IFIT5: variants seen among roughly 807,000 people sequenced by gnomAD.
IFIT5 encodes interferon induced protein with tetratricopeptide repeats 5.
In IFIT5, 2 loss-of-function variants were observed where a neutral mutation model predicts 5.0. That is an observed-to-expected ratio of 0.40 (90% confidence interval 0.16 to 1.26). The LOEUF (loss-of-function observed/expected upper bound fraction) is 1.26. Among genes scored for constraint, IFIT5 ranks in the 50% most tolerant of loss-of-function variants. The probability of loss-of-function intolerance (pLI) is 0.33; values close to 1 mark genes in which losing one functional copy is unlikely to be tolerated. For missense variants in IFIT5, 524 were observed against 563.2 expected (o/e 0.93, Z 0.70); for synonymous variants, 206 against 204.6 (o/e 1.01, Z -0.06).
In IFIT5 at chr10:89,414,698, C is replaced by A; in HGVS notation, c.-101C>A. Reference sequence around the variant, plus strand: ...TGCAGAGGCCTGGCGCGCGCACGCGCACGCGCACGCCCACCGCGCGGCTTC... The same window carrying A: ...TGCAGAGGCCTGGCGCGCGCACGCGAACGCGCACGCCCACCGCGCGGCTTC... On this transcript the variant is annotated 5_prime_UTR_variant, in exon 1 of 2. Coordinates refer to ENST00000371795, the MANE Select transcript of IFIT5 (RefSeq NM_012420.3). 1 of 1,442,116 alleles carries A rather than the reference C, an allele frequency of 6.9e-7. No homozygotes were observed. The highest frequency in any genetic ancestry group is 9.2e-7 in the Non-Finnish European group (1 of 1,089,714). 89.3% of individuals were successfully genotyped at this position (1,442,116 alleles called of 1,614,324 possible).
At chr10:89,416,820 A>G (rs1354767545) in intron 1 of IFIT5, among the ~76,000 whole-genome samples, 1 of 152,232 alleles carries the variant, frequency 6.6e-6, no homozygotes, top group Non-Finnish European at 1.5e-5. Flanking sequence ...ATTACCAAGG[A>G]GCAATTTTAC....
rs1841575639 is a variant in IFIT5 at position 89,419,221 on chromosome 10, C to A, written c.*573C>A. On this transcript the variant is annotated 3_prime_UTR_variant, in exon 2 of 2. Coordinates refer to ENST00000371795, the MANE Select transcript of IFIT5 (RefSeq NM_012420.3). ...TCTAGTGACTTCAATAAAGAAAAAA[C>A]TAGAAGAGGAGAAAAAGGATTTCCT... is the stretch of plus-strand genomic sequence containing the variant. 6.6e-6 allele frequency: 1 copy of A among 151,952 alleles called. No individual in the cohort carries two copies. The highest frequency in any genetic ancestry group is 2.4e-5 in the African/African-American group (1 of 41,392). The allele number at this position is 151,952 out of a possible 1,614,324, so 9.4% of individuals were successfully genotyped here.
rs1841580934 is a variant in IFIT5, at chr10:89,419,847, T to C, written c.*1199T>C. On this transcript the variant is annotated 3_prime_UTR_variant, in exon 2 of 2. Coordinates refer to ENST00000371795, the MANE Select transcript of IFIT5 (RefSeq NM_012420.3). ...GTTTCTTTGATTACCGACTACACAA[T>C]TATGTACCATCACAGTATTAGTGGA... is the stretch of plus-strand genomic sequence containing the variant. The C allele has an allele frequency of 6.6e-6, 1 of 152,128 alleles. No homozygotes were observed. Among genetic ancestry groups the C allele is most frequent in the South Asian group, 2.1e-4 (1 of 4,816 alleles). 9.4% of individuals were successfully genotyped at this position (152,128 alleles called of 1,614,324 possible). A position where few individuals can be genotyped will look rare whatever the true frequency, so the allele number is the denominator to read the frequency against.
At position 89,419,269 on chromosome 10, in the gene IFIT5, AG is replaced by A. The variant is rs1269653366; in HGVS notation, c.*624del. On this transcript the variant is annotated 3_prime_UTR_variant, in exon 2 of 2. Transcript: ENST00000371795. ...CCTCAAATTTTAAATATGTAACTTC[AG>A]GGATTCAATCCCCAAATGTTTATTA... 1 of 152,174 alleles carries A rather than the reference AG, an allele frequency of 6.6e-6. No individual in the cohort carries two copies. The highest frequency in any genetic ancestry group is 2.4e-5 in the African/African-American group (1 of 41,464). 9.4% of individuals were successfully genotyped at this position (152,174 alleles called of 1,614,324 possible). A position where few individuals can be genotyped will look rare whatever the true frequency, so the allele number is the denominator to read the frequency against.
chr10:89,419,171 G>C lies in IFIT5; in HGVS notation c.*523G>C, dbSNP rs995411935. On this transcript the variant is annotated 3_prime_UTR_variant, in exon 2 of 2. Transcript: ENST00000371795. ...AAAATATCTTTTTTGTTGGAAAAAA[G>C]TTTATAATAAAAAAGTTTGTCATCT... 4.6e-4 allele frequency: 70 copies of C among 152,006 alleles called. No individual in the cohort carries two copies. Among genetic ancestry groups the C allele is most frequent in the African/African-American group, 1.7e-3 (69 of 41,414 alleles). 9.4% of individuals were successfully genotyped at this position (152,006 alleles called of 1,614,324 possible). A position where few individuals can be genotyped will look rare whatever the true frequency, so the allele number is the denominator to read the frequency against.
chr10:89,415,171 C>G (rs1169720714), intron 1 of IFIT5, among the ~76,000 whole-genome samples: 1 of 152,234 alleles, frequency 6.6e-6, no homozygotes, highest in Non-Finnish European at 1.5e-5. Flanking sequence ...CCCGGAAGGC[C>G]TGTCCACCCA....
intron 1 of IFIT5, among the ~76,000 whole-genome samples, chr10:89,415,191 G>A (rs1445255703): frequency 2.0e-5 from 3 of 152,212 alleles, no homozygotes; most frequent in Non-Finnish European, 2.9e-5. Context: ...ATCGCGACCC[G>A]ACGGCTCTTC....
rs1381500680 is a variant in IFIT5, at chr10:89,420,671, T to C, written c.*2023T>C. 1 of 152,202 alleles carries C rather than the reference T, an allele frequency of 6.6e-6. No individual in the cohort carries two copies. Among genetic ancestry groups the C allele is most frequent in the African/African-American group, 2.4e-5 (1 of 41,448 alleles). The allele number at this position is 152,202 out of a possible 1,614,324, so 9.4% of individuals were successfully genotyped here. ...TTTTGAGTAGTAAGGTCTACAGCAT[T>C]GTTCCTCAAACTTGGCTACGTATTG... On this transcript the variant is annotated 3_prime_UTR_variant, in exon 2 of 2. Transcript: ENST00000371795.
chr10:89,416,539 C>T (rs541066778), intron 1 of IFIT5, among the ~76,000 whole-genome samples: 1 of 152,340 alleles, frequency 6.6e-6, no homozygotes, highest in African/African-American at 2.4e-5. Flanking sequence ...AATAAAAATT[C>T]TCATGGTGTC....
rs767000816 is a variant in IFIT5 at position 89,418,318 on chromosome 10, T to A, written c.1119T>A (p.Asp373Glu). 1.2e-6 allele frequency: 2 copies of A among 1,614,150 alleles called. No homozygotes were observed. The highest frequency in any genetic ancestry group is 1.7e-6 in the Non-Finnish European group (2 of 1,180,004). ...KALRLENITDDHKHQIHYHYG... is the reference protein window; with the variant it reads ...KALRLENITDEHKHQIHYHYG... Reference sequence around the variant, plus strand: ...TTCGTCTGGAGAACATAACCGATGATCACAAACATCAGATCCATTACCACT... The same window carrying A: ...TTCGTCTGGAGAACATAACCGATGAACACAAACATCAGATCCATTACCACT... The change falls in exon 2 of 2, where the codon GAT (aspartate) becomes GAA (glutamate). Residue 373 changes from aspartate to glutamate, a missense_variant. Coordinates refer to ENST00000371795, the MANE Select transcript of IFIT5 (RefSeq NM_012420.3).
At chr10:89,416,711 G>C (rs1589648214) in intron 1 of IFIT5, among the ~76,000 whole-genome samples, 1 of 152,176 alleles carries the variant, frequency 6.6e-6, no homozygotes, top group East Asian at 1.9e-4. Flanking sequence ...TTTTAGGCAG[G>C]GGGCTGGTAA....
rs1290211747 is a variant in IFIT5 at position 89,414,742 on chromosome 10, A to AGG, written c.-56_-55dup. 5 of 1,593,564 alleles carry AGG rather than the reference A, an allele frequency of 3.1e-6. No homozygotes were observed. In the East Asian group the frequency reaches 1.2e-4, roughly 37 times the overall value. ...CGGCTTCCCGCGGTCCCCGGTGCTG[A>AGG]GGAGAGAGCGATCCGAGGGACTGCG... On this transcript the variant is annotated 5_prime_UTR_variant, in exon 1 of 2. Coordinates refer to ENST00000371795, the MANE Select transcript of IFIT5 (RefSeq NM_012420.3).
At position 89,418,146 on chromosome 10, in the gene IFIT5, T is replaced by G; in HGVS notation, c.947T>G (p.Val316Gly). 1 of 1,614,220 alleles carries G rather than the reference T, an allele frequency of 6.2e-7. No individual in the cohort carries two copies. Among genetic ancestry groups the G allele is most frequent in the Non-Finnish European group, 8.5e-7 (1 of 1,180,038 alleles). ...CCTAAAGGAAAGGATAAACTAAAGG[T>G]TGATGAGCTGATTTCATCTGCTATA... ...NRPKGKDKLK[V>G]DELISSAIFH... The change falls in exon 2 of 2, where the codon GTT (valine) becomes GGT (glycine). Residue 316 changes from valine to glycine, a missense_variant. Coordinates refer to ENST00000371795, the MANE Select transcript of IFIT5 (RefSeq NM_012420.3).
Position 89,418,056 on chromosome 10 carries a change from A to C in IFIT5, c.857A>C (p.His286Pro). Residue 286 changes from histidine (H) to proline (P), a missense_variant, in exon 2 of 2, where the codon CAT (histidine) becomes CCT (proline). Coordinates refer to ENST00000371795, the MANE Select transcript of IFIT5 (RefSeq NM_012420.3). ...GTGACACCAACTTCTTCTTTCCTGCATCACCAGATGGGACTTTGCTACAGG... is the reference window on the plus strand; with the variant it reads ...GTGACACCAACTTCTTCTTTCCTGCCTCACCAGATGGGACTTTGCTACAGG... ...LEVTPTSSFL[H>P]HQMGLCYRAQ... is the part of the protein sequence containing the mutation. 6.2e-7 allele frequency: 1 copy of C among 1,614,256 alleles called. No individual in the cohort carries two copies. The highest frequency in any genetic ancestry group is 1.1e-5 in the South Asian group (1 of 91,092).
chr10:89,414,856 A>C, intron 1 of IFIT5, 53 bp downstream of exon 1: 1 of 1,596,610 alleles, frequency 6.3e-7, no homozygotes, highest in Non-Finnish European at 8.5e-7. Flanking sequence ...CCTTGGTTTC[A>C]AACCGGGCTG....
rs1323968924 is a variant in IFIT5, at chr10:89,420,637, C to G, written c.*1989C>G. 6.6e-6 allele frequency: 1 copy of G among 152,178 alleles called. No individual in the cohort carries two copies. Among genetic ancestry groups the G allele is most frequent in the Non-Finnish European group, 1.5e-5 (1 of 68,028 alleles). 9.4% of individuals were successfully genotyped at this position (152,178 alleles called of 1,614,324 possible). ...CCTAGGTGAGGATGCTGTGGCTGTT[C>G]TAATTACATTTTGAGTAGTAAGGTC... On this transcript the variant is annotated 3_prime_UTR_variant, in exon 2 of 2. Transcript: ENST00000371795.
In IFIT5 at chr10:89,419,643, A is replaced by G. The variant is rs140611897; in HGVS notation, c.*995A>G. 1 of 152,094 alleles carries G rather than the reference A, an allele frequency of 6.6e-6. No individual in the cohort carries two copies. Among genetic ancestry groups the G allele is most frequent in the East Asian group, 1.9e-4 (1 of 5,184 alleles). 9.4% of individuals were successfully genotyped at this position (152,094 alleles called of 1,614,324 possible). A position where few individuals can be genotyped will look rare whatever the true frequency, so the allele number is the denominator to read the frequency against. ...ATTTTAGCATTTCAAAGTGACTTCTATGAAGCTTTTTTTTTAATGTGAAAT... is the reference window on the plus strand; with the variant it reads ...ATTTTAGCATTTCAAAGTGACTTCTGTGAAGCTTTTTTTTTAATGTGAAAT... On this transcript the variant is annotated 3_prime_UTR_variant, in exon 2 of 2. Transcript: ENST00000371795.
chr10:89,417,553 T>C lies in IFIT5; in HGVS notation c.354T>C (p.Gly118=), dbSNP rs1841552901. 6.2e-7 allele frequency: 1 copy of C among 1,614,164 alleles called. No homozygotes were observed. Among genetic ancestry groups the C allele is most frequent in the East Asian group, 2.2e-5 (1 of 44,882 alleles). ...TTGAAGAAGCTCAGAAGTATACAGG[T>C]AAGATAGGGAATGTCTGTAAGAAAT... ...DQLEEAQKYT[G]KIGNVCKKLS... is the part of the protein sequence containing the mutation. Residue 118 remains glycine, a synonymous_variant, in exon 2 of 2, where the codon GGT becomes GGC. Coordinates refer to ENST00000371795, the MANE Select transcript of IFIT5 (RefSeq NM_012420.3).
In IFIT5 at chr10:89,418,920, T is replaced by G; in HGVS notation, c.*272T>G. The G allele has an allele frequency of 1.2e-5, 3 of 260,754 alleles. No homozygotes were observed. Among genetic ancestry groups the G allele is most frequent in the African/African-American group, 2.2e-5 (1 of 44,868 alleles). 16.2% of individuals were successfully genotyped at this position (260,754 alleles called of 1,614,324 possible). ...TAACTTCTAAAAATGGTATGGCCAT[T>G]AGATCTGTGCTTTTTATCTCTGCTC... is the stretch of plus-strand genomic sequence containing the variant. On this transcript the variant is annotated 3_prime_UTR_variant, in exon 2 of 2. Transcript: ENST00000371795.
Sources: gnomAD v4.1 joint callset for allele counts (sites outside exome capture counted in the v4.1 genomes callset) on GRCh38, gnomAD v4.1.1 for gene constraint, MANE v1.5 for transcripts, NCBI Gene and HGNC (gene_info 2026-07-23, HGNC 2026-07-21) for gene names.